Variants in CDH23 observed in about 807,000 individuals in gnomAD.
CDH23 encodes cadherin-23.
In CDH23, 189 loss-of-function variants were observed where a neutral mutation model predicts 317.1. That is an observed-to-expected ratio of 0.60 (90% confidence interval 0.53 to 0.67). The LOEUF is 0.67. Ranked by LOEUF, CDH23 falls within the 30% of genes least tolerant of loss-of-function variation. CDH23 has a pLI of 0.00. For missense variants in CDH23, 4,401 were observed against 4,592.4 expected (o/e 0.96, Z 1.20); for synonymous variants, 1,839 against 1,876.8 (o/e 0.98, Z 0.52).
chr10:71,716,119 C>A, intron 28 of CDH23: 3 of 1,548,878 alleles, frequency 1.9e-6, no homozygotes, highest in East Asian at 2.4e-5. Flanking sequence ...GGGGCATGCA[C>A]TCGTGAGCCC....
intron 38 of CDH23, chr10:71,752,041 C>T (rs779383749): frequency 6.1e-5 from 45 of 742,020 alleles, no homozygotes; most frequent in Non-Finnish European, 9.9e-5. Context: ...ATGGGCTGCA[C>T]CTGCCCACCT....
chr10:71,810,174 G>A (rs1369771793), intron 61 of CDH23, 98 bp downstream of exon 61: 17 of 1,404,434 alleles, frequency 1.2e-5, no homozygotes, highest in Middle Eastern at 4.3e-4. Flanking sequence ...AGGCCAGGGC[G>A]TGAAAGGCAG....
intron 55 of CDH23, 72 bp downstream of exon 55, chr10:71,803,492 C>T: frequency 7.3e-7 from 1 of 1,363,428 alleles, no homozygotes; most frequent in East Asian, 2.5e-5. Context: ...AGAGTGGAAG[C>T]ACCCCACTCT....
At chr10:71,576,112 C>T (rs138492286) in intron 8 of CDH23, among the ~76,000 whole-genome samples, 94 of 152,322 alleles carry the variant, frequency 6.2e-4, no homozygotes, top group African/African-American at 2.0e-3. Context: ...GAGCCCAGCA[C>T]GGGCTCTGAG....
At chr10:71,705,194 AGGGGT>A in intron 25 of CDH23, 64 bp downstream of exon 25, 1 of 1,439,404 alleles carries the variant, frequency 6.9e-7, no homozygotes, top group Non-Finnish European at 9.4e-7. Context: ...GGTCAGGGGC[AGGGGT>A]AGAGGGGAGC....
chr10:71,751,878 A>G lies in CDH23; in HGVS notation c.4845+9957A>G, dbSNP rs1159458821. The G allele has an allele frequency of 2.6e-6, 4 of 1,538,330 alleles. No homozygotes were observed. In the South Asian group the frequency reaches 5.0e-5, roughly 19 times the overall value. On this transcript the variant is annotated intron_variant, in intron 38 of 69. Transcript: ENST00000224721. This position sits in a 1 kb window ranked among gnomAD's most constrained non-coding sequence, Gnocchi z 4.9. ...TGAATGTTGCTGCCACAGAACCAGAATGGAAGGTCATCTGTGCTGTCCGGA... is the reference window on the plus strand; with the variant it reads ...TGAATGTTGCTGCCACAGAACCAGAGTGGAAGGTCATCTGTGCTGTCCGGA...
chr10:71,740,773 C>T (rs1564769258), intron 36 of CDH23, 49 bp from the exon 37 acceptor site: 2 of 1,611,174 alleles, frequency 1.2e-6, no homozygotes, highest in East Asian at 2.2e-5. Context: ...TATTCCCAAT[C>T]CTGCCCGCCA....
chr10:71,707,433 G>A (rs1187016435), intron 26 of CDH23: 1 of 1,259,258 alleles, frequency 7.9e-7, no homozygotes, highest in Admixed American at 3.6e-5. Flanking sequence ...TCCTTCCTTG[G>A]GGACCTGTTG....
intron 15 of CDH23, among the ~76,000 whole-genome samples, chr10:71,675,676 A>C (rs1205353311): frequency 6.6e-6 from 1 of 152,190 alleles, no homozygotes; most frequent in African/African-American, 2.4e-5. Context: ...TCAGACAGCT[A>C]TAAGTGCCGT....
chr10:71,495,320 C>T (rs907018788), intron 3 of CDH23, among the ~76,000 whole-genome samples: 8 of 152,004 alleles, frequency 5.3e-5, no homozygotes, highest in Non-Finnish European at 1.5e-5. Context: ...TGACCTCCTT[C>T]GCGGCAGGAG....
At chr10:71,799,344 CTT>C (rs1841493050) in intron 51 of CDH23, 64 bp downstream of exon 51, 1 of 1,608,932 alleles carries the variant, frequency 6.2e-7, no homozygotes, top group East Asian at 2.2e-5. Flanking sequence ...CTTTGGGCAT[CTT>C]CCTCTCCCAC....
At chr10:71,645,795 C>T (rs1862817824) in intron 12 of CDH23, 36 bp from the exon 13 acceptor site, 1 of 1,602,838 alleles carries the variant, frequency 6.2e-7, no homozygotes, top group Non-Finnish European at 8.5e-7. Flanking sequence ...GCCACTGTGC[C>T]CTTCCTGACT....
intron 38 of CDH23, among the ~76,000 whole-genome samples, chr10:71,759,617 G>A: frequency 6.6e-6 from 1 of 151,592 alleles, no homozygotes; most frequent in African/African-American, 2.4e-5. Context: ...GACCAGCCTG[G>A]CCAACATGGT....
intron 50 of CDH23, 84 bp downstream of exon 50, chr10:71,798,662 T>C: frequency 8.9e-7 from 1 of 1,118,034 alleles, no homozygotes; most frequent in Non-Finnish European, 1.3e-6. Flanking sequence ...AGCCCCTCTG[T>C]GGCTCCTCAG....
At chr10:71,785,808 C>T (rs762481686) in intron 44 of CDH23, 70 bp downstream of exon 44, 129 of 927,938 alleles carry the variant, frequency 1.4e-4, no homozygotes, top group Middle Eastern at 6.2e-4. Context: ...CACATCACCC[C>T]TCCTGCAGGC....
At chr10:71,509,958 G>C in intron 3 of CDH23, 124 bp from the exon 4 acceptor site, 4 of 1,087,232 alleles carry the variant, frequency 3.7e-6, no homozygotes, top group Non-Finnish European at 4.1e-6. Flanking sequence ...GTGATGATCT[G>C]TGGCCTGCTG....
rs16929288 is a variant in CDH23, at chr10:71,741,013, C to T, written c.4617+63C>T. ...GGGGGGACCGTGGGCACGAGCCAAC[C>T]ATGCAGCCCCTGTTTAAATGTCTGC... On this transcript the variant is annotated intron_variant, in intron 37 of 69. Transcript: ENST00000224721. 6.2e-3 allele frequency: 9,914 copies of T among 1,589,460 alleles called. 556 individuals are homozygous for T. In the African/African-American group the frequency reaches 0.12, roughly 19 times the overall value.
At chr10:71,411,275 T>G (rs776990266) in intron 1 of CDH23, among the ~76,000 whole-genome samples, 1 of 152,180 alleles carries the variant, frequency 6.6e-6, no homozygotes, top group Non-Finnish European at 1.5e-5. Context: ...CAAGATATAC[T>G]CCTCTATTTT....
At chr10:71,533,525 CCACACACACACACACACA>C (rs55659529) in intron 6 of CDH23, among the ~76,000 whole-genome samples, 2 of 130,752 alleles carry the variant, frequency 1.5e-5, no homozygotes, top group Admixed American at 7.5e-5. Flanking sequence ...TGGCTGGACA[CCACACACACACACACACA>C]CACACACACA....
Sources: allele counts gnomAD v4.1 joint callset (sites outside exome capture counted in the v4.1 genomes callset), GRCh38; gene constraint gnomAD v4.1.1; non-coding constraint Gnocchi (gnomAD v3.1); transcripts MANE v1.5; gene names NCBI Gene and HGNC (gene_info 2026-07-23, HGNC 2026-07-21).